Variants in SHISA9 observed in about 807,000 individuals in gnomAD.
The protein encoded by SHISA9 is shisa family member 9, also known as protein shisa-9.
In SHISA9, 13 loss-of-function variants were observed where a neutral mutation model predicts 38.0. The observed-to-expected ratio is 0.34, with a 90% CI of 0.22 to 0.54. The LOEUF (loss-of-function observed/expected upper bound fraction) is 0.54, where lower values mean the gene tolerates loss of function less well. SHISA9 is among the 20% of genes least tolerant of loss of function. SHISA9 has a pLI of 0.91. For synonymous variants in SHISA9, 275 were observed against 242.0 expected (o/e 1.14, Z -1.27); for missense variants, 538 against 575.8 (o/e 0.93, Z 0.67).
chr16:13,262,743 G>T, the SHISA9 span, among the ~76,000 whole-genome samples: 5 of 150,464 alleles, frequency 3.3e-5, no homozygotes, highest in African/African-American at 1.2e-4. Flanking sequence ...AGGGAAGGAA[G>T]AAAACAGATG....
chr16:13,483,215 GATGTAGCCTATAAATATGT>G, the SHISA9 span, among the ~76,000 whole-genome samples: 1 of 152,122 alleles, frequency 6.6e-6, no homozygotes. Flanking sequence ...TTCACTCTTG[GATGTAGCCTATAAATATGT>G]ATGTTGGGCA....
the SHISA9 span, among the ~76,000 whole-genome samples, chr16:13,266,987 A>G: frequency 6.6e-6 from 1 of 152,248 alleles, no homozygotes; most frequent in African/African-American, 2.4e-5. Context: ...GTAAATAAAA[A>G]TAATCACCAG....
At chr16:13,389,819 C>T in the SHISA9 span, among the ~76,000 whole-genome samples, 1 of 152,224 alleles carries the variant, frequency 6.6e-6, no homozygotes, top group Admixed American at 6.5e-5. Flanking sequence ...TGGAAAATCA[C>T]AATGCAATAT....
chr16:13,344,437 T>C, the SHISA9 span, among the ~76,000 whole-genome samples: 1 of 152,150 alleles, frequency 6.6e-6, no homozygotes, highest in Non-Finnish European at 1.5e-5. Flanking sequence ...TTAGCTCTTC[T>C]TCCTTCTTCC....
chr16:13,137,773 C>T (rs1455361156), intron 2 of SHISA9, among the ~76,000 whole-genome samples: 1 of 152,122 alleles, frequency 6.6e-6, no homozygotes, highest in Admixed American at 6.6e-5. Flanking sequence ...AATCTTTAAT[C>T]ATGTTCCCTG....
intron 1 of SHISA9, among the ~76,000 whole-genome samples, chr16:12,904,631 C>T (rs570045969): frequency 1.3e-5 from 2 of 152,104 alleles, no homozygotes; most frequent in Non-Finnish European, 2.9e-5. Flanking sequence ...TCCTAGGGTA[C>T]CAGAGCCTCA....
the SHISA9 span, among the ~76,000 whole-genome samples, chr16:13,423,579 T>C: frequency 6.6e-6 from 1 of 152,194 alleles, no homozygotes; most frequent in Non-Finnish European, 1.5e-5. Context: ...CCCTGTATTA[T>C]TTTTCTATTG....
At chr16:13,339,677 A>G in the SHISA9 span, among the ~76,000 whole-genome samples, 12 of 152,168 alleles carry the variant, frequency 7.9e-5, no homozygotes, top group African/African-American at 2.4e-4. Context: ...GAGAGAGAGT[A>G]TAACAGCATG....
chr16:13,136,246 A>C (rs1267500309), intron 2 of SHISA9, among the ~76,000 whole-genome samples: 1 of 152,070 alleles, frequency 6.6e-6, no homozygotes. Flanking sequence ...ATAGGGCAAT[A>C]TTTACCCTAT....
intron 2 of SHISA9, among the ~76,000 whole-genome samples, chr16:12,953,130 G>A (rs1157756162): frequency 6.6e-6 from 1 of 151,418 alleles, no homozygotes; most frequent in Non-Finnish European, 1.5e-5. Flanking sequence ...AGTGGTCAGG[G>A]GACATCTCTT....
chr16:12,927,610 T>C (rs1398847989), intron 2 of SHISA9, among the ~76,000 whole-genome samples: 1 of 151,700 alleles, frequency 6.6e-6, no homozygotes, highest in Non-Finnish European at 1.5e-5. Context: ...GGTCTTGCTA[T>C]GTTGCCCAGA....
chr16:13,224,846 A>G (rs567583046), intron 4 of SHISA9, among the ~76,000 whole-genome samples: 2 of 152,260 alleles, frequency 1.3e-5, no homozygotes, highest in South Asian at 4.1e-4. Flanking sequence ...TAGGCAGAGG[A>G]AACAGCAGGG....
intron 2 of SHISA9, among the ~76,000 whole-genome samples, chr16:13,106,833 G>A (rs2073929511): frequency 6.6e-6 from 1 of 152,182 alleles, no homozygotes; most frequent in African/African-American, 2.4e-5. Context: ...AGGTGGGAAA[G>A]GATTTTTCTG....
At chr16:13,194,925 A>C (rs147184056) in intron 2 of SHISA9, among the ~76,000 whole-genome samples, 3 of 152,326 alleles carry the variant, frequency 2.0e-5, no homozygotes, top group African/African-American at 7.2e-5. Context: ...GGTTACAGAT[A>C]ATCGAGGGAG....
intron 2 of SHISA9, among the ~76,000 whole-genome samples, chr16:13,166,540 C>T (rs1190171296): frequency 2.6e-5 from 4 of 152,220 alleles, no homozygotes; most frequent in African/African-American, 9.6e-5. Context: ...TCCTGCTTTA[C>T]TTTTCTCCAT....
At chr16:12,963,115 C>G (rs2071932344) in intron 2 of SHISA9, among the ~76,000 whole-genome samples, 1 of 152,180 alleles carries the variant, frequency 6.6e-6, no homozygotes, top group African/African-American at 2.4e-5. Flanking sequence ...CTGTTGCTTG[C>G]AGTCAGAGGT....
At chr16:13,361,176 T>A in the SHISA9 span, among the ~76,000 whole-genome samples, 1 of 152,230 alleles carries the variant, frequency 6.6e-6, no homozygotes, top group Non-Finnish European at 1.5e-5. Flanking sequence ...GTACACCATC[T>A]TCTTTTCTTC....
chr16:13,508,534 G>C, the SHISA9 span, among the ~76,000 whole-genome samples: 1 of 152,090 alleles, frequency 6.6e-6, no homozygotes, highest in Non-Finnish European at 1.5e-5. Context: ...TTTCCAGGGT[G>C]GGGTGGGAAG....
the SHISA9 span, among the ~76,000 whole-genome samples, chr16:13,397,038 T>C: frequency 6.8e-6 from 1 of 146,162 alleles, no homozygotes; most frequent in Non-Finnish European, 1.5e-5. Flanking sequence ...AAGACCTTTA[T>C]GATGATCCAC....
Sources: gnomAD v4.1 joint callset for allele counts (sites outside exome capture counted in the v4.1 genomes callset) on GRCh38, gnomAD v4.1.1 for gene constraint, MANE v1.5 for transcripts, NCBI Gene and HGNC (gene_info 2026-07-23, HGNC 2026-07-21) for gene names.